Variants in FHIP1A observed in about 807,000 individuals in gnomAD.
The protein encoded by FHIP1A is FHF complex subunit HOOK interacting protein 1A.
In FHIP1A, 61 loss-of-function variants were observed where a neutral mutation model predicts 88.6. The ratio of observed to expected loss-of-function variants is 0.69; its 90% CI spans 0.56 to 0.85. The LOEUF (loss-of-function observed/expected upper bound fraction) is 0.85. FHIP1A is among the 40% of genes least tolerant of loss of function. FHIP1A has a pLI of 0.00. For missense variants in FHIP1A, 1,154 were observed against 1,273.5 expected (o/e 0.91, Z 1.43); for synonymous variants, 478 against 496.0 (o/e 0.96, Z 0.48).
Position 151,649,859 on chromosome 4 carries a change from C to T in FHIP1A, c.1818C>T (p.Gly606=), listed in dbSNP as rs1736945723. 3 of 1,551,324 alleles carry T rather than the reference C, an allele frequency of 1.9e-6. No homozygotes were observed. Among genetic ancestry groups the T allele is most frequent in the South Asian group, 1.2e-5 (1 of 84,018 alleles). ...PGPYDDLEVS[G]PPAPIDPPKH... is the part of the protein sequence containing the mutation. ...CTTATGATGATCTGGAGGTTTCAGG[C>T]CCCCCAGCACCCATTGATCCCCCCA... The change falls in exon 11 of 14, where the codon GGC becomes GGT. Residue 606 remains glycine, a synonymous_variant. Coordinates refer to ENST00000435205, the MANE Select transcript of FHIP1A (RefSeq NM_001109977.3).
At chr4:151,546,137 A>G (rs1017323149) in intron 3 of FHIP1A, among the ~76,000 whole-genome samples, 1 of 152,128 alleles carries the variant, frequency 6.6e-6, no homozygotes, top group Non-Finnish European at 1.5e-5. Context: ...GGCAGAGAAA[A>G]GGTGATTTCC....
chr4:151,589,357 G>T (rs996721484), intron 7 of FHIP1A, among the ~76,000 whole-genome samples: 6 of 152,196 alleles, frequency 3.9e-5, no homozygotes, highest in Admixed American at 2.6e-4. Context: ...ATTTTTTATT[G>T]TAACAATTTT....
intron 2 of FHIP1A, among the ~76,000 whole-genome samples, chr4:151,482,323 C>T (rs1729923796): frequency 6.6e-6 from 1 of 152,000 alleles, no homozygotes; most frequent in Non-Finnish European, 1.5e-5. Flanking sequence ...AGGAGTTTCT[C>T]ATTTTTGGCT....
intron 7 of FHIP1A, among the ~76,000 whole-genome samples, chr4:151,604,682 C>T (rs1290750645): frequency 6.6e-6 from 1 of 151,890 alleles, no homozygotes; most frequent in Non-Finnish European, 1.5e-5. Context: ...AACCTTGTCT[C>T]TACTAAAGAT....
intron 7 of FHIP1A, among the ~76,000 whole-genome samples, chr4:151,614,583 C>T (rs1735446145): frequency 6.6e-6 from 1 of 151,836 alleles, no homozygotes; most frequent in African/African-American, 2.4e-5. Context: ...TATTTGATAA[C>T]CAGTATTCTC....
At chr4:151,527,946 T>C (rs1369581041) in intron 3 of FHIP1A, among the ~76,000 whole-genome samples, 1 of 152,150 alleles carries the variant, frequency 6.6e-6, no homozygotes, top group Non-Finnish European at 1.5e-5. Context: ...CAGGAAGGTA[T>C]TGAATTTTGT....
chr4:151,545,539 G>A (rs927708765), intron 3 of FHIP1A, among the ~76,000 whole-genome samples: 4 of 151,386 alleles, frequency 2.6e-5, no homozygotes, highest in Non-Finnish European at 5.9e-5. Context: ...TGCCACGCCC[G>A]GCTAATTTTT....
intron 7 of FHIP1A, among the ~76,000 whole-genome samples, chr4:151,629,258 G>T (rs1182501153): frequency 6.6e-6 from 1 of 152,110 alleles, no homozygotes; most frequent in African/African-American, 2.4e-5. Context: ...CATAAGGAAT[G>T]TTATGTTTTC....
chr4:151,423,965 A>G (rs772694627), intron 1 of FHIP1A, among the ~76,000 whole-genome samples: 1 of 152,348 alleles, frequency 6.6e-6, no homozygotes, highest in East Asian at 1.9e-4. Context: ...ACCATATAGA[A>G]GGGGGATTTA....
At chr4:151,633,340 A>T (rs1736227240) in intron 8 of FHIP1A, among the ~76,000 whole-genome samples, 1 of 151,846 alleles carries the variant, frequency 6.6e-6, no homozygotes, top group Non-Finnish European at 1.5e-5. Flanking sequence ...TTAAAGAAAA[A>T]CCCAGGACCA....
In FHIP1A at chr4:151,527,614, TG is replaced by T. The variant is rs565846879; in HGVS notation, c.-122-38523del. On this transcript the variant is annotated intron_variant, in intron 3 of 13. Coordinates refer to ENST00000435205, the MANE Select transcript of FHIP1A (RefSeq NM_001109977.3). ...TTGTACTTCTTAACTGCTGGAAAAT[TG>T]ACTTTATTATTGTTATTATTTTTAT... 4.9e-3 allele frequency among the ~76,000 whole-genome samples: 747 copies of T among 152,218 alleles called. 3 individuals are homozygous for T. The highest frequency in any genetic ancestry group is 0.017 in the South Asian group (81 of 4,814).
At chr4:151,606,232 T>A (rs1735069983) in intron 7 of FHIP1A, among the ~76,000 whole-genome samples, 1 of 152,190 alleles carries the variant, frequency 6.6e-6, no homozygotes, top group South Asian at 2.1e-4. Context: ...TCTTACTTGT[T>A]CTCTGGCAGA....
At chr4:151,450,384 G>C (rs989828984) in intron 1 of FHIP1A, among the ~76,000 whole-genome samples, 11 of 152,054 alleles carry the variant, frequency 7.2e-5, no homozygotes, top group African/African-American at 2.7e-4. Flanking sequence ...TATAGGCTAA[G>C]AAGTATAGAC....
chr4:151,638,314 A>AC (rs1281180007), intron 8 of FHIP1A, among the ~76,000 whole-genome samples: 1 of 61,494 alleles, frequency 1.6e-5, no homozygotes, highest in Non-Finnish European at 3.2e-5. Context: ...TAAATAGGAG[A>AC]TTGTGTGTGT....
At position 151,664,987 on chromosome 4, in the gene FHIP1A, T is replaced by C. The variant is rs750321689; in HGVS notation, c.*2233T>C. On this transcript the variant is annotated 3_prime_UTR_variant, in exon 14 of 14. Coordinates refer to ENST00000435205, the MANE Select transcript of FHIP1A (RefSeq NM_001109977.3). ...CTGAAATAAACTTACTTTATTATTT[T>C]ATTTTTTTGAGACAGGATCTTGCGC... Among the ~76,000 whole-genome samples the C allele has an allele frequency of 1.3e-5, 2 of 152,230 alleles. No individual in the cohort carries two copies. Among genetic ancestry groups the C allele is most frequent in the Non-Finnish European group, 2.9e-5 (2 of 68,044 alleles).
At chr4:151,627,024 C>T (rs937160386) in intron 7 of FHIP1A, among the ~76,000 whole-genome samples, 23 of 152,068 alleles carry the variant, frequency 1.5e-4, no homozygotes, top group African/African-American at 5.6e-4. Flanking sequence ...AAAAGATTTT[C>T]TGGTATAAAA....
intron 13 of FHIP1A, among the ~76,000 whole-genome samples, chr4:151,658,810 C>T (rs1672459505): frequency 6.6e-6 from 1 of 151,772 alleles, no homozygotes; most frequent in Non-Finnish European, 1.5e-5. Context: ...CTGAAAAGGG[C>T]AAAAAAGGCA....
At chr4:151,426,363 C>T (rs941848421) in intron 1 of FHIP1A, among the ~76,000 whole-genome samples, 8 of 151,632 alleles carry the variant, frequency 5.3e-5, no homozygotes, top group Non-Finnish European at 1.0e-4. Context: ...TTTTTCTGTT[C>T]ATAAAAATTA....
intron 7 of FHIP1A, among the ~76,000 whole-genome samples, chr4:151,596,165 G>T (rs1007541546): frequency 6.6e-6 from 1 of 152,144 alleles, no homozygotes; most frequent in African/African-American, 2.4e-5. Context: ...GCTGGTTTTG[G>T]TTTTTCTTTC....
Sources: allele counts gnomAD v4.1 joint callset (sites outside exome capture counted in the v4.1 genomes callset), GRCh38; gene constraint gnomAD v4.1.1; transcripts MANE v1.5; gene names NCBI Gene and HGNC (gene_info 2026-07-23, HGNC 2026-07-21).